LRP2: variants seen among roughly 807,000 people sequenced by gnomAD.
LRP2 encodes low-density lipoprotein receptor-related protein 2.
Under a neutral mutation model 531.0 loss-of-function variants are expected in LRP2, and 172 were observed. That is an observed-to-expected ratio of 0.32 (90% CI 0.29 to 0.37). The LOEUF (loss-of-function observed/expected upper bound fraction) is 0.37. Ranked by LOEUF, LRP2 falls within the 10% of genes least tolerant of loss-of-function variation. The probability of loss-of-function intolerance (pLI) is 1.00; values close to 1 mark genes in which losing one functional copy is unlikely to be tolerated. For missense variants in LRP2, 5,167 were observed against 5,868.3 expected (o/e 0.88, Z 3.90); for synonymous variants, 1,992 against 2,027.6 (o/e 0.98, Z 0.47).
Position 169,233,455 on chromosome 2 carries a change from C to A in LRP2, c.5054G>T (p.Trp1685Leu). Reference protein sequence around the residue: ...NQSVVMYNIQWPLGIVAVHPS... With the variant: ...NQSVVMYNIQLPLGIVAVHPS... ...ATGAACCGCAACAATCCCAAGGGGC[C>A]ATTGAATATTATACATTACAACTGA... The change falls in exon 30 of 79, where the codon TGG becomes TTG. Residue 1685 changes from tryptophan (W) to leucine (L), a missense_variant. By Grantham distance (61) the Trp-to-Leu change is moderately conservative. Coordinates refer to ENST00000649046, the MANE Select transcript of LRP2 (RefSeq NM_004525.3). The A allele has an allele frequency of 1.2e-6, 2 of 1,614,162 alleles. No homozygotes were observed. Among genetic ancestry groups the A allele is most frequent in the African/African-American group, 2.7e-5 (2 of 75,032 alleles).
At position 169,156,359 on chromosome 2, in the gene LRP2, T is replaced by A; in HGVS notation, c.12066A>T (p.Arg4022Ser). Residue 4022 changes from arginine (R) to serine (S), a missense_variant, in exon 65 of 79, where the codon AGA becomes AGT. Arg to Ser is a moderately radical substitution (Grantham distance 110). Transcript: ENST00000649046. ...EQFGTCPQHC[R>S]NTKGSYECVC... The stretch of plus-strand genomic sequence containing the variant: ...CACACTCATAACTTCCTTTGGTATT[T>A]CTGCAGTGCTGGGGACAAGTCCCAA... 2 of 1,613,666 alleles carry A rather than the reference T, an allele frequency of 1.2e-6. No individual in the cohort carries two copies. Among genetic ancestry groups the A allele is most frequent in the Non-Finnish European group, 1.7e-6 (2 of 1,179,692 alleles).
chr2:169,148,351 T>G (rs1374198685), intron 68 of LRP2, among the ~76,000 whole-genome samples: 1 of 115,554 alleles, frequency 8.7e-6, no homozygotes, highest in African/African-American at 2.9e-5. Flanking sequence ...TGTAGGGTGA[T>G]GAAAATGCTT....
chr2:169,231,792 A>G lies in LRP2; in HGVS notation c.5149T>C (p.Ser1717Pro). Residue 1717 changes from serine (S) to proline (P), a missense_variant, in exon 31 of 79, where the codon TCA (serine) becomes CCA (proline). Ser to Pro is a moderately conservative substitution (Grantham distance 74, BLOSUM62 -1). Around this residue, in one of 6 missense-constraint regions of LRP2, gnomAD observed 2,811 missense variants for 3,058.0 expected, o/e 0.92. Coordinates refer to ENST00000649046, the MANE Select transcript of LRP2 (RefSeq NM_004525.3). ...CAGGAGTAAAAATGAGGCCCCTGTG[A>G]GGAAAGCAGGCAGAGATGGCTGCAG... ...SRCSHLCLLS[S>P]QGPHFYSCVC... The G allele has an allele frequency of 6.2e-7, 1 of 1,614,110 alleles. No homozygotes were observed. The highest frequency in any genetic ancestry group is 8.5e-7 in the Non-Finnish European group (1 of 1,179,990).
At chr2:169,281,076 G>A (rs1223233325) in intron 10 of LRP2, among the ~76,000 whole-genome samples, 1 of 152,092 alleles carries the variant, frequency 6.6e-6, no homozygotes, top group Admixed American at 6.5e-5. Context: ...ATCAGTAGAG[G>A]ACTAGTTAAA....
chr2:169,257,961 CAA>C (rs1338534111), intron 17 of LRP2, among the ~76,000 whole-genome samples: 2 of 151,662 alleles, frequency 1.3e-5, no homozygotes, highest in Non-Finnish European at 2.9e-5. Flanking sequence ...TCATTTTAAA[CAA>C]AAGAGTCATC....
At chr2:169,345,811 ACT>A (rs1685682631) in intron 1 of LRP2, among the ~76,000 whole-genome samples, 1 of 151,598 alleles carries the variant, frequency 6.6e-6, no homozygotes, top group African/African-American at 2.4e-5. Context: ...ATCCTACATG[ACT>A]CTTGTCGTTC....
At chr2:169,240,735 T>G in intron 25 of LRP2, 2 of 585,068 alleles carry the variant, frequency 3.4e-6, no homozygotes, top group Non-Finnish European at 6.1e-6. Context: ...GGCCTCAATT[T>G]AGTCTCATTT....
rs541086587 is a variant in LRP2 at position 169,187,449 on chromosome 2, C to T, written c.9328+521G>A. On this transcript the variant is annotated intron_variant, in intron 49 of 78. Coordinates refer to ENST00000649046, the MANE Select transcript of LRP2 (RefSeq NM_004525.3). ...AAACAATGGTTACAAGGATTAAACA[C>T]CACAAACAGGACGAACTGCCAATAT... Among the ~76,000 whole-genome samples, 17 of 152,298 alleles carry T rather than the reference C, an allele frequency of 1.1e-4. No individual in the cohort carries two copies. The South Asian group carries it at 1.9e-3, about 17-fold the overall frequency.
chr2:169,231,072 T>C (rs1689379671), intron 31 of LRP2, among the ~76,000 whole-genome samples: 1 of 152,076 alleles, frequency 6.6e-6, no homozygotes. Flanking sequence ...GGCAAGTGGA[T>C]GGCCTGAGGG....
rs768064701 is a variant in LRP2, at chr2:169,205,631, C to T, written c.7563G>A (p.Leu2521=). Residue 2521 remains leucine, a synonymous_variant, in exon 41 of 79, where the codon CTG becomes CTA. Transcript: ENST00000649046. ...CATGTGTATCCCAGTCAGCCCAGTA[C>T]AGGTACCTAGTCATACAAAAGGAGT... The part of the protein sequence containing the change: ...AIVLDPCQGY[L]YWADWDTHAK... The T allele has an allele frequency of 1.2e-6, 2 of 1,612,796 alleles. No homozygotes were observed. Among genetic ancestry groups the T allele is most frequent in the African/African-American group, 1.3e-5 (1 of 74,524 alleles).
chr2:169,139,387 G>A lies in LRP2; in HGVS notation c.13268-16C>T. ...GCTACTGCGGCTATAGAAGAAGATA[G>A]CAGAGAGCACATCAACACATGGGAG... On this transcript the variant is annotated splice_polypyrimidine_tract_variant and intron_variant, in intron 73 of 78. Coordinates refer to ENST00000649046, the MANE Select transcript of LRP2 (RefSeq NM_004525.3). The A allele has an allele frequency of 6.2e-7, 1 of 1,614,144 alleles. No individual in the cohort carries two copies. Among genetic ancestry groups the A allele is most frequent in the East Asian group, 2.2e-5 (1 of 44,876 alleles).
intron 1 of LRP2, among the ~76,000 whole-genome samples, chr2:169,345,088 T>A (rs1041151060): frequency 3.3e-5 from 5 of 152,254 alleles, no homozygotes; most frequent in African/African-American, 7.2e-5. Flanking sequence ...GTCACCTGAT[T>A]ACCACAGTTA....
At position 169,173,349 on chromosome 2, in the gene LRP2, G is replaced by A. The variant is rs1275161671; in HGVS notation, c.11015-125C>T. 7.0e-6 allele frequency: 8 copies of A among 1,135,518 alleles called. No individual in the cohort carries two copies. In the East Asian group the frequency reaches 7.4e-5, roughly 11 times the overall value. 70.3% of individuals were successfully genotyped at this position (1,135,518 alleles called of 1,614,324 possible). A position where few individuals can be genotyped will look rare whatever the true frequency, so the allele number is the denominator to read the frequency against. On this transcript the variant is annotated intron_variant, in intron 56 of 78. Transcript: ENST00000649046. ...TGTTACCAAGCAAACCGCCTCTGGC[G>A]ATATGTGTCTGTTTTAGATGTGATC...
In LRP2 at chr2:169,168,671, G is replaced by A. The variant is rs774128360; in HGVS notation, c.11503C>T (p.Arg3835Cys). ...TGGCAGTATGCACCATCAGGAAAGC[G>A]TGTGGCTGCCATGGGGGAAAAAAAC... is the stretch of plus-strand genomic sequence containing the variant. ...DASDEADCPTRFPDGAYCQAT... is the reference protein window; with the variant it reads ...DASDEADCPTCFPDGAYCQAT... The change falls in exon 61 of 79, where the codon CGC becomes TGC. Residue 3835 changes from arginine to cysteine, a missense_variant. By Grantham distance (180) the Arg-to-Cys change is radical. This residue lies in a region of LRP2 where 564 missense variants were observed against 747.7 expected (regional missense o/e 0.75). Coordinates refer to ENST00000649046, the MANE Select transcript of LRP2 (RefSeq NM_004525.3). 36 of 1,613,600 alleles carry A rather than the reference G, an allele frequency of 2.2e-5. No homozygotes were observed. Among genetic ancestry groups the A allele is most frequent in the Admixed American group, 2.2e-4 (13 of 59,956 alleles).
chr2:169,362,482 G>T lies in LRP2; in HGVS notation c.-83C>A. On this transcript the variant is annotated 5_prime_UTR_variant, in exon 1 of 79. Coordinates refer to ENST00000649046, the MANE Select transcript of LRP2 (RefSeq NM_004525.3). ...CACCGCACCGGCAGCGCCTCTGCTA[G>T]CGAACGCTCCTTTAGGTCTGCACCT... is the stretch of plus-strand genomic sequence containing the variant. The T allele has an allele frequency of 1.6e-6, 2 of 1,242,888 alleles. No individual in the cohort carries two copies. Among genetic ancestry groups the T allele is most frequent in the Non-Finnish European group, 2.3e-6 (2 of 878,004 alleles). 77.0% of individuals were successfully genotyped at this position (1,242,888 alleles called of 1,614,324 possible). A position where few individuals can be genotyped will look rare whatever the true frequency, so the allele number is the denominator to read the frequency against.
At chr2:169,193,263 CAA>C (rs11378293) in intron 47 of LRP2, among the ~76,000 whole-genome samples, 2 of 145,950 alleles carry the variant, frequency 1.4e-5, no homozygotes, top group Non-Finnish European at 3.0e-5. Flanking sequence ...TTCGTCTCTA[CAA>C]AAAAAAAAGT....
intron 6 of LRP2, among the ~76,000 whole-genome samples, chr2:169,292,834 A>C (rs1309121077): frequency 1.1e-3 from 4 of 3,726 alleles, no homozygotes; most frequent in African/African-American, 3.7e-3. Flanking sequence ...CCCTGTCTCA[A>C]AAAAAAAAAA....
At position 169,204,120 on chromosome 2, in the gene LRP2, C is replaced by A; in HGVS notation, c.7867G>T (p.Gly2623Trp). 6.2e-7 allele frequency: 1 copy of A among 1,614,096 alleles called. No homozygotes were observed. The highest frequency in any genetic ancestry group is 8.5e-7 in the Non-Finnish European group (1 of 1,180,018). ...GTGGTCATTGCAATCTGACCTGACC[C>A]GTCATATTTGTTAGCTCGGTAAATT... ...QRIYRANKYD[G>W]SGQIAMTTNL... Residue 2623 changes from glycine (G) to tryptophan (W), a missense_variant, in exon 42 of 79, where the codon GGG becomes TGG. By Grantham distance (184) the Gly-to-Trp change is radical. Coordinates refer to ENST00000649046, the MANE Select transcript of LRP2 (RefSeq NM_004525.3).
intron 3 of LRP2, among the ~76,000 whole-genome samples, chr2:169,318,146 A>C (rs72880424): frequency 0.091 from 13,790 of 152,178 alleles, 861 homozygotes; most frequent in Non-Finnish European, 0.13. Context: ...AGTCTTTTCC[A>C]GTCTGATTCC....
Sources: gnomAD v4.1 joint callset for allele counts (sites outside exome capture counted in the v4.1 genomes callset) on GRCh38, gnomAD v4.1.1 for gene constraint, gnomAD v4.1.1 regional missense constraint, MANE v1.5 for transcripts, NCBI Gene and HGNC (gene_info 2026-07-23, HGNC 2026-07-21) for gene names.